SLC36A1: variants seen among roughly 807,000 people sequenced by gnomAD.
SLC36A1 encodes proton-coupled amino acid transporter 1.
Under a neutral mutation model 47.5 loss-of-function variants are expected in SLC36A1, and 30 were observed. That is an observed-to-expected ratio of 0.63 (90% CI 0.47 to 0.86). The LOEUF (loss-of-function observed/expected upper bound fraction) is 0.86, where lower values mean the gene tolerates loss of function less well. Ranked by LOEUF, SLC36A1 falls within the 40% of genes least tolerant of loss-of-function variation. The pLI is 0.00. For synonymous variants in SLC36A1, 255 were observed against 249.7 expected (o/e 1.02, Z -0.20); for missense variants, 517 against 606.0 (o/e 0.85, Z 1.54).
the SLC36A1 span, among the ~76,000 whole-genome samples, chr5:151,392,484 T>C: frequency 1.3e-5 from 2 of 152,230 alleles, no homozygotes; most frequent in Non-Finnish European, 2.9e-5. Context: ...GTTCTTTTAA[T>C]TGTGATGTTA....
the SLC36A1 span, among the ~76,000 whole-genome samples, chr5:151,502,945 G>T: frequency 6.8e-6 from 1 of 148,048 alleles, no homozygotes; most frequent in African/African-American, 2.7e-5. Flanking sequence ...AGATATGGAG[G>T]AATCTTAAAT....
the SLC36A1 span, among the ~76,000 whole-genome samples, chr5:151,374,450 C>A: frequency 6.6e-6 from 1 of 152,174 alleles, no homozygotes; most frequent in Non-Finnish European, 1.5e-5. Flanking sequence ...ATATATATAT[C>A]ACATTTTGTT....
At chr5:151,374,739 G>A in the SLC36A1 span, among the ~76,000 whole-genome samples, 1 of 152,062 alleles carries the variant, frequency 6.6e-6, no homozygotes, top group East Asian at 1.9e-4. Context: ...GCCAACATCT[G>A]TTATATTTTG....
chr5:151,526,004 G>C, the SLC36A1 span: 15 of 1,597,456 alleles, frequency 9.4e-6, no homozygotes, highest in Non-Finnish European at 1.3e-5. Context: ...AGAGCAGAAT[G>C]AGTCCCGGTC....
chr5:151,404,744 C>T, the SLC36A1 span, among the ~76,000 whole-genome samples: 3 of 152,178 alleles, frequency 2.0e-5, no homozygotes, highest in African/African-American at 7.2e-5. Flanking sequence ...CTAATTACTT[C>T]TGGCTTGTAA....
At chr5:151,468,266 A>AAAAT (rs55642458) in intron 7 of SLC36A1, among the ~76,000 whole-genome samples, 1,430 of 63,684 alleles carry the variant, frequency 0.022, 53 homozygotes, top group Non-Finnish European at 0.025. Context: ...AAAAAAAAAA[A>AAAAT]ATATATATAT....
chr5:151,468,436 G>A (rs989946128), intron 7 of SLC36A1, among the ~76,000 whole-genome samples: 18 of 144,642 alleles, frequency 1.2e-4, no homozygotes, highest in Admixed American at 3.5e-4. Flanking sequence ...TATATATTGT[G>A]TATATATATA....
chr5:151,510,286 T>A, the SLC36A1 span: 4 of 1,289,754 alleles, frequency 3.1e-6, no homozygotes, highest in Non-Finnish European at 4.4e-6. Context: ...TTTATTTATT[T>A]GGTTGCTCCC....
the SLC36A1 span, among the ~76,000 whole-genome samples, chr5:151,393,024 T>C: frequency 2.6e-5 from 4 of 151,978 alleles, no homozygotes; most frequent in Non-Finnish European, 5.9e-5. Flanking sequence ...CCATTATTCT[T>C]GTGTGGGAGT....
chr5:151,515,240 C>T, the SLC36A1 span, among the ~76,000 whole-genome samples: 4 of 152,274 alleles, frequency 2.6e-5, no homozygotes, highest in African/African-American at 9.6e-5. Context: ...CTGGGTTTTC[C>T]TCCAGCATCA....
At chr5:151,472,598 C>G (rs772251207) in intron 7 of SLC36A1, among the ~76,000 whole-genome samples, 2 of 152,198 alleles carry the variant, frequency 1.3e-5, no homozygotes, top group Non-Finnish European at 2.9e-5. Flanking sequence ...TCCTCCTCCC[C>G]ACATGTTCCA....
chr5:151,514,593 CT>C, the SLC36A1 span, among the ~76,000 whole-genome samples: 1 of 152,240 alleles, frequency 6.6e-6, no homozygotes, highest in Non-Finnish European at 1.5e-5. Context: ...TCAAATGAGC[CT>C]TTAATGCTGC....
At chr5:151,530,415 T>C in the SLC36A1 span, among the ~76,000 whole-genome samples, 1 of 152,152 alleles carries the variant, frequency 6.6e-6, no homozygotes, top group East Asian at 1.9e-4. Flanking sequence ...CTGAGGGATA[T>C]GCTATATGAC....
chr5:151,543,879 G>A, the SLC36A1 span: 5 of 1,614,050 alleles, frequency 3.1e-6, no homozygotes, highest in Admixed American at 1.7e-5. Flanking sequence ...AAAGAATCAG[G>A]TACTCCAGGC....
At chr5:151,542,598 A>C in the SLC36A1 span, 1 of 1,614,214 alleles carries the variant, frequency 6.2e-7, no homozygotes, top group South Asian at 1.1e-5. Flanking sequence ...GCTCATGGAC[A>C]TTGCTACCAG....
intron 1 of SLC36A1, among the ~76,000 whole-genome samples, chr5:151,440,449 C>T (rs1254376084): frequency 4.0e-5 from 6 of 151,746 alleles, no homozygotes; most frequent in Non-Finnish European, 7.4e-5. Context: ...ACAGAATGTT[C>T]AGGAGGATGG....
At chr5:151,364,826 A>G in the SLC36A1 span, among the ~76,000 whole-genome samples, 7 of 152,168 alleles carry the variant, frequency 4.6e-5, no homozygotes, top group South Asian at 1.0e-3. Context: ...ATCTCTTGGC[A>G]TAATTTTCTC....
chr5:151,351,691 A>G, the SLC36A1 span, among the ~76,000 whole-genome samples: 1 of 152,192 alleles, frequency 6.6e-6, no homozygotes, highest in South Asian at 2.1e-4. Context: ...GAGAGCTACC[A>G]TTTATTAAGC....
At chr5:151,494,506 G>A (rs1267852230), downstream of SLC36A1, among the ~76,000 whole-genome samples, 1 of 152,054 alleles carries the variant, frequency 6.6e-6, no homozygotes, top group East Asian at 1.9e-4. Context: ...TGTTTTATCT[G>A]TCTCCAGTTT....
Sources: gnomAD v4.1 joint callset for allele counts (sites outside exome capture counted in the v4.1 genomes callset) on GRCh38, gnomAD v4.1.1 for gene constraint, MANE v1.5 for transcripts, NCBI Gene and HGNC (gene_info 2026-07-23, HGNC 2026-07-21) for gene names.